NBEA: variants seen among roughly 807,000 people sequenced by gnomAD.
NBEA encodes the protein neurobeachin.
Under a neutral mutation model 343.4 loss-of-function variants are expected in NBEA, and 44 were observed. That is an observed-to-expected ratio of 0.13 (90% CI 0.10 to 0.16). The LOEUF (loss-of-function observed/expected upper bound fraction) is 0.16. NBEA is among the 10% of genes least tolerant of loss of function. The probability of loss-of-function intolerance (pLI) is 1.00; values close to 1 mark genes in which losing one functional copy is unlikely to be tolerated. For missense variants in NBEA, 2,555 were observed against 3,631.3 expected (o/e 0.70, Z 7.62); for synonymous variants, 1,175 against 1,238.7 (o/e 0.95, Z 1.08).
intron 35 of NBEA, among the ~76,000 whole-genome samples, chr13:35,292,907 G>A (rs7319920): frequency 0.18 from 27,477 of 151,698 alleles, 2,621 homozygotes; most frequent in South Asian, 0.25. Flanking sequence ...TTGAGAGACC[G>A]GGCAGATAAG....
intron 41 of NBEA, among the ~76,000 whole-genome samples, chr13:35,478,250 T>C (rs2075967996): frequency 6.6e-6 from 1 of 152,214 alleles, no homozygotes. Context: ...TAGCTGAAAA[T>C]AGTATACATT....
intron 45 of NBEA, among the ~76,000 whole-genome samples, chr13:35,567,578 G>T (rs2080192623): frequency 6.6e-6 from 1 of 152,158 alleles, no homozygotes; most frequent in Non-Finnish European, 1.5e-5. Flanking sequence ...ATACTAAACT[G>T]TTTGAAATTC....
intron 30 of NBEA, among the ~76,000 whole-genome samples, chr13:35,188,766 G>A (rs537167102): frequency 4.7e-4 from 72 of 152,076 alleles, no homozygotes; most frequent in Admixed American, 1.2e-3. Context: ...TTATTGAATC[G>A]TATGGTAGTT....
In NBEA at chr13:35,011,471, C is replaced by T. The variant is rs934849645; in HGVS notation, c.295-29462C>T. Among the ~76,000 whole-genome samples the T allele has an allele frequency of 3.3e-5, 5 of 152,108 alleles. No individual in the cohort carries two copies. In the South Asian group the frequency reaches 6.2e-4, roughly 19 times the overall value. On this transcript the variant is annotated intron_variant, in intron 1 of 58. Transcript: ENST00000379939. ...TTCTTGCTATTACTTGCTGTGACTT[C>T]GTTGTCAAACAGTAAAAACAAGTGT...
intron 36 of NBEA, among the ~76,000 whole-genome samples, chr13:35,323,617 T>A (rs1213126742): frequency 6.6e-6 from 1 of 150,666 alleles, no homozygotes; most frequent in Non-Finnish European, 1.5e-5. Context: ...TAATGCTAGA[T>A]GACGAGTTAG....
intron 38 of NBEA, among the ~76,000 whole-genome samples, chr13:35,410,849 A>G (rs886938761): frequency 3.9e-5 from 6 of 152,176 alleles, no homozygotes; most frequent in African/African-American, 1.2e-4. Flanking sequence ...CACTTGTTTG[A>G]TAAGGGGAAT....
At chr13:35,144,084 T>G (rs1010616229) in intron 18 of NBEA, among the ~76,000 whole-genome samples, 1 of 152,066 alleles carries the variant, frequency 6.6e-6, no homozygotes, top group Admixed American at 6.6e-5. Context: ...AAATTCAAAT[T>G]TCGGTCTCTG....
At chr13:35,295,120 A>G (rs2036040907) in intron 35 of NBEA, among the ~76,000 whole-genome samples, 1 of 148,184 alleles carries the variant, frequency 6.7e-6, no homozygotes, top group Non-Finnish European at 1.5e-5. Context: ...TTTATATTTA[A>G]TATATAAATA....
intron 1 of NBEA, among the ~76,000 whole-genome samples, chr13:34,948,527 A>G (rs1182639213): frequency 6.6e-6 from 1 of 152,160 alleles, no homozygotes; most frequent in Non-Finnish European, 1.5e-5. Flanking sequence ...TATCTCCTTT[A>G]AAATTTACTA....
chr13:35,271,257 T>C (rs1594023666), intron 34 of NBEA, among the ~76,000 whole-genome samples: 1 of 152,176 alleles, frequency 6.6e-6, no homozygotes, highest in Admixed American at 6.5e-5. Context: ...GACCTGCAGC[T>C]GAGGGACCTG....
chr13:35,383,922 A>G (rs988904186), intron 38 of NBEA, among the ~76,000 whole-genome samples: 2 of 152,020 alleles, frequency 1.3e-5, no homozygotes, highest in East Asian at 1.9e-4. Context: ...AGTTTCTTCT[A>G]TGTTTGGCAT....
chr13:35,577,912 A>G, intron 45 of NBEA, among the ~76,000 whole-genome samples: 1 of 152,210 alleles, frequency 6.6e-6, no homozygotes. Flanking sequence ...CCGGGAATTT[A>G]CTTGAGCACA....
chr13:35,395,395 A>G (rs1213800876), intron 38 of NBEA, among the ~76,000 whole-genome samples: 1 of 151,916 alleles, frequency 6.6e-6, no homozygotes, highest in Non-Finnish European at 1.5e-5. Context: ...TGCTCTGGTT[A>G]TGTAAGACGT....
chr13:35,142,722 A>C (rs906043431), intron 18 of NBEA, among the ~76,000 whole-genome samples: 1 of 150,186 alleles, frequency 6.7e-6, no homozygotes, highest in East Asian at 2.0e-4. Flanking sequence ...TCTCGTTCCT[A>C]CTCTCTCTCT....
chr13:35,366,975 A>G (rs888669257), intron 38 of NBEA, among the ~76,000 whole-genome samples: 2 of 151,422 alleles, frequency 1.3e-5, no homozygotes, highest in African/African-American at 4.8e-5. Flanking sequence ...CAATTTTCAT[A>G]TGTAACAAAA....
chr13:35,291,035 G>A (rs937962867), intron 35 of NBEA, among the ~76,000 whole-genome samples: 2 of 151,634 alleles, frequency 1.3e-5, no homozygotes, highest in African/African-American at 2.4e-5. Context: ...AACAATTACA[G>A]GGCAACCAAA....
intron 33 of NBEA, among the ~76,000 whole-genome samples, chr13:35,215,141 A>C (rs2073997841): frequency 6.6e-6 from 1 of 151,610 alleles, no homozygotes; most frequent in Non-Finnish European, 1.5e-5. Context: ...TTTTCATGTA[A>C]ATTTTAGAAG....
intron 38 of NBEA, among the ~76,000 whole-genome samples, chr13:35,388,920 C>T (rs2042371884): frequency 1.3e-5 from 2 of 151,178 alleles, no homozygotes; most frequent in Non-Finnish European, 2.9e-5. Flanking sequence ...AGATCCTCCA[C>T]TTTTGACAGT....
At chr13:35,020,493 A>G (rs372738464) in intron 1 of NBEA, among the ~76,000 whole-genome samples, 36 of 152,212 alleles carry the variant, frequency 2.4e-4, no homozygotes, top group African/African-American at 8.7e-4. Flanking sequence ...ACAATTTAGT[A>G]AAGTTGTTTG....
Sources: gnomAD v4.1 joint callset for allele counts (sites outside exome capture counted in the v4.1 genomes callset) on GRCh38, gnomAD v4.1.1 for gene constraint, MANE v1.5 for transcripts, NCBI Gene and HGNC (gene_info 2026-07-23, HGNC 2026-07-21) for gene names.